Variants in ZC2HC1C observed in about 807,000 individuals in gnomAD.
ZC2HC1C encodes zinc finger C2HC-type containing 1C.
In ZC2HC1C, 25 loss-of-function variants were observed where a neutral mutation model predicts 39.2. The observed-to-expected ratio is 0.64, with a 90% CI of 0.47 to 0.89. ZC2HC1C has a LOEUF of 0.89. ZC2HC1C is among the 40% of genes least tolerant of loss of function. The probability of loss-of-function intolerance (pLI) is 0.00; values close to 1 mark genes in which losing one functional copy is unlikely to be tolerated. For synonymous variants in ZC2HC1C, 209 were observed against 214.4 expected (o/e 0.97, Z 0.22); for missense variants, 519 against 548.6 (o/e 0.95, Z 0.54).
Position 75,070,718 on chromosome 14 carries a change from C to G in ZC2HC1C, c.145C>G (p.Leu49Val). 1 of 1,614,188 alleles carries G rather than the reference C, an allele frequency of 6.2e-7. No homozygotes were observed. Among genetic ancestry groups the G allele is most frequent in the Non-Finnish European group, 8.5e-7 (1 of 1,180,040 alleles). Residue 49 changes from leucine to valine, a missense_variant, in exon 2 of 3, where the codon CTG becomes GTG. By Grantham distance (32) the Leu-to-Val change is conservative. Coordinates refer to ENST00000524913, the MANE Select transcript of ZC2HC1C (RefSeq NM_024643.4). ...TTCCCAGCAGTCCTTGAAGGGGCAC[C>G]TGAGGAACAATTTCCAGAAGCAGCT... is the stretch of plus-strand genomic sequence containing the variant. ...DSSQQSLKGH[L>V]RNNFQKQLLS... is the part of the protein sequence containing the mutation.
intron 2 of ZC2HC1C, among the ~76,000 whole-genome samples, chr14:75,072,953 T>C (rs1333820951): frequency 1.3e-5 from 2 of 152,318 alleles, no homozygotes; most frequent in South Asian, 2.1e-4. Flanking sequence ...GATCATATGA[T>C]CTCAGAGGCC....
intron 2 of ZC2HC1C, 91 bp downstream of exon 2, chr14:75,072,002 T>C: frequency 6.7e-7 from 1 of 1,484,846 alleles, no homozygotes; most frequent in African/African-American, 1.4e-5. Flanking sequence ...AAAATTCATG[T>C]GTCATGTAGG....
At chr14:75,073,876 G>A (rs1243421256) in intron 2 of ZC2HC1C, among the ~76,000 whole-genome samples, 3 of 152,128 alleles carry the variant, frequency 2.0e-5, no homozygotes, top group African/African-American at 4.8e-5. Flanking sequence ...CAAATTCTTT[G>A]AGAGGAACTT....
At chr14:75,076,050 C>A (rs868119629) in intron 2 of ZC2HC1C, among the ~76,000 whole-genome samples, 8 of 152,108 alleles carry the variant, frequency 5.3e-5, no homozygotes, top group Non-Finnish European at 1.2e-4. Flanking sequence ...AAGCAAGACT[C>A]CATCTCAAAT....
rs1893320424 is a variant in ZC2HC1C, at chr14:75,070,603, T to G, written c.30T>G (p.His10Gln). The G allele has an allele frequency of 6.2e-7, 1 of 1,613,338 alleles. No homozygotes were observed. The highest frequency in any genetic ancestry group is 1.3e-5 in the African/African-American group (1 of 75,032). Residue 10 changes from histidine (H) to glutamine (Q), a missense_variant, in exon 2 of 3, where the codon CAT (histidine) becomes CAG (glutamine). His to Gln is a conservative substitution (Grantham distance 24, BLOSUM62 0). Transcript: ENST00000524913. MAGLQRLAS[H>Q]LPVGVMLPHN... ...CTGGTCTCCAGCGGTTGGCGTCACA[T>G]CTGCCTGTGGGCGTTATGCTCCCAC...
intron 2 of ZC2HC1C, among the ~76,000 whole-genome samples, chr14:75,074,494 T>A (rs1204929800): frequency 6.6e-6 from 1 of 152,232 alleles, no homozygotes; most frequent in Non-Finnish European, 1.5e-5. Context: ...TAGATGGTTC[T>A]TCTGGTCTGC....
intron 2 of ZC2HC1C, among the ~76,000 whole-genome samples, chr14:75,076,353 C>G (rs1406950447): frequency 1.3e-5 from 2 of 152,124 alleles, no homozygotes; most frequent in Non-Finnish European, 2.9e-5. Context: ...ACTGCAACCT[C>G]TGCCTCCTAG....
At chr14:75,076,158 C>G (rs1893658970) in intron 2 of ZC2HC1C, among the ~76,000 whole-genome samples, 1 of 152,196 alleles carries the variant, frequency 6.6e-6, no homozygotes, top group Non-Finnish European at 1.5e-5. Context: ...ACATGTTGGA[C>G]TTCCAGGATT....
At chr14:75,072,390 A>G (rs183690692) in intron 2 of ZC2HC1C, among the ~76,000 whole-genome samples, 2 of 152,356 alleles carry the variant, frequency 1.3e-5, no homozygotes, top group African/African-American at 4.8e-5. Flanking sequence ...ATCTGTGACC[A>G]TTCCTTTAAC....
chr14:75,071,348 G>A lies in ZC2HC1C; in HGVS notation c.775G>A (p.Glu259Lys). Reference protein sequence around the residue: ...QTQKEQAKENENGELQKIILP... With the variant: ...QTQKEQAKENKNGELQKIILP... ...GCAAAAGGAACAGGCCAAGGAAAAT[G>A]AAAACGGAGAGCTACAGAAAATTAT... Residue 259 changes from glutamate to lysine, a missense_variant, in exon 2 of 3, where the codon GAA becomes AAA. Coordinates refer to ENST00000524913, the MANE Select transcript of ZC2HC1C (RefSeq NM_024643.4). The A allele has an allele frequency of 1.2e-6, 2 of 1,614,008 alleles. No individual in the cohort carries two copies. The highest frequency in any genetic ancestry group is 1.1e-5 in the South Asian group (1 of 91,080).
intron 2 of ZC2HC1C, among the ~76,000 whole-genome samples, chr14:75,075,251 C>A (rs7156105): frequency 0.46 from 69,533 of 152,062 alleles, 17,003 homozygotes; most frequent in East Asian, 0.84. Flanking sequence ...CCACTCTGAT[C>A]CCTTCTGCTC....
chr14:75,077,387 A>G, intron 2 of ZC2HC1C, 145 bp from the exon 3 acceptor site: 2 of 1,068,006 alleles, frequency 1.9e-6, no homozygotes, highest in Admixed American at 2.3e-5. Context: ...CAACGCTGGC[A>G]AGTCAGTTAC....
intron 2 of ZC2HC1C, among the ~76,000 whole-genome samples, chr14:75,076,860 G>T (rs2139686663): frequency 1.3e-5 from 2 of 152,150 alleles, no homozygotes; most frequent in African/African-American, 4.8e-5. Flanking sequence ...AAGCTTAAGT[G>T]GGGCTCATTG....
Position 75,071,225 on chromosome 14 carries a change from G to A in ZC2HC1C, c.652G>A (p.Ala218Thr), listed in dbSNP as rs368788840. The change falls in exon 2 of 3, where the codon GCT (alanine) becomes ACT (threonine). Residue 218 changes from alanine (A) to threonine (T), a missense_variant. Transcript: ENST00000524913. ...GTGGGTGCAGATCCGAAGACTAGAAGCTGCAGGGGAGAGCTTAGAGGAGGA... is the reference window on the plus strand; with the variant it reads ...GTGGGTGCAGATCCGAAGACTAGAAACTGCAGGGGAGAGCTTAGAGGAGGA... ...TEWVQIRRLE[A>T]AGESLEEEIR... 4.2e-5 allele frequency: 68 copies of A among 1,614,092 alleles called. No individual in the cohort carries two copies. The highest frequency in any genetic ancestry group is 5.5e-5 in the Non-Finnish European group (65 of 1,180,046).
intron 2 of ZC2HC1C, among the ~76,000 whole-genome samples, chr14:75,075,560 C>G (rs781224427): frequency 6.6e-6 from 1 of 152,186 alleles, no homozygotes; most frequent in Non-Finnish European, 1.5e-5. Context: ...CTTTTAGCAT[C>G]CAGTGTATTG....
At position 75,070,909 on chromosome 14, in the gene ZC2HC1C, C is replaced by G. The variant is rs1393504249; in HGVS notation, c.336C>G (p.Gly112=). Residue 112 remains glycine (G), a synonymous_variant, in exon 2 of 3, where the codon GGC becomes GGG. Coordinates refer to ENST00000524913, the MANE Select transcript of ZC2HC1C (RefSeq NM_024643.4). ...GQGNGLFYSS[G]PQSWYPKANN... is the part of the protein sequence containing the mutation. ...GAAATGGTTTGTTTTACTCGTCAGGCCCTCAATCCTGGTATCCCAAAGCCA... is the reference window on the plus strand; with the variant it reads ...GAAATGGTTTGTTTTACTCGTCAGGGCCTCAATCCTGGTATCCCAAAGCCA... 2 of 1,614,200 alleles carry G rather than the reference C, an allele frequency of 1.2e-6. No homozygotes were observed. Among genetic ancestry groups the G allele is most frequent in the Admixed American group, 3.3e-5 (2 of 60,020 alleles).
chr14:75,073,638 G>A, intron 2 of ZC2HC1C: 1 of 1,288,972 alleles, frequency 7.8e-7, no homozygotes, highest in Non-Finnish European at 1.0e-6. Context: ...AAGAACAGGT[G>A]ATTTTCCTGG....
intron 2 of ZC2HC1C, among the ~76,000 whole-genome samples, chr14:75,072,971 G>C (rs1392262822): frequency 6.6e-6 from 1 of 152,152 alleles, no homozygotes; most frequent in Non-Finnish European, 1.5e-5. Flanking sequence ...GCCCCATCTA[G>C]TTCTAATATT....
chr14:75,072,472 G>A lies in ZC2HC1C; in HGVS notation c.1338+561G>A, dbSNP rs539562976. ...AAATAGATGAAACACAATTAAGTTT[G>A]GAATTCTTTTTCTGCCCATTTAGAA... On this transcript the variant is annotated intron_variant, in intron 2 of 2. Transcript: ENST00000524913. 8.5e-5 allele frequency among the ~76,000 whole-genome samples: 13 copies of A among 152,272 alleles called. No homozygotes were observed. The South Asian group carries it at 2.5e-3, about 29-fold the overall frequency.
Sources: gnomAD v4.1 joint callset for allele counts (sites outside exome capture counted in the v4.1 genomes callset) on GRCh38, gnomAD v4.1.1 for gene constraint, MANE v1.5 for transcripts, NCBI Gene and HGNC (gene_info 2026-07-23, HGNC 2026-07-21) for gene names.